EPHA6: variants seen among roughly 807,000 people sequenced by gnomAD.
EPHA6 encodes EPH receptor A6.
A neutral mutation model predicts 112.0 loss-of-function variants in EPHA6; 50 were observed. The observed-to-expected ratio is 0.45, with a 90% CI of 0.36 to 0.56. The LOEUF (loss-of-function observed/expected upper bound fraction) is 0.56. Among genes scored for constraint, EPHA6 ranks in the 20% least tolerant of loss-of-function variants. The probability of loss-of-function intolerance (pLI) is 0.00; values close to 1 mark genes in which losing one functional copy is unlikely to be tolerated. For synonymous variants in EPHA6, 529 were observed against 490.7 expected (o/e 1.08, Z -1.03); for missense variants, 1,280 against 1,417.4 (o/e 0.90, Z 1.56).
chr3:97,393,942 T>C (rs1207627455), intron 5 of EPHA6, among the ~76,000 whole-genome samples: 1 of 151,864 alleles, frequency 6.6e-6, no homozygotes, highest in African/African-American at 2.4e-5. Context: ...TCATTGTGTA[T>C]ATAGACCATA....
intron 3 of EPHA6, among the ~76,000 whole-genome samples, chr3:97,075,051 CT>C (rs200353772): frequency 2.0e-5 from 3 of 151,466 alleles, no homozygotes; most frequent in African/African-American, 7.3e-5. Context: ...TTTTCTGGTA[CT>C]TTTTTTTACC....
chr3:97,043,972 C>T (rs1479452893), intron 3 of EPHA6, among the ~76,000 whole-genome samples: 1 of 152,122 alleles, frequency 6.6e-6, no homozygotes, highest in African/African-American at 2.4e-5. Context: ...TAGCAGGGCA[C>T]TCATGGTTCT....
intron 3 of EPHA6, among the ~76,000 whole-genome samples, chr3:97,018,253 G>T (rs909710381): frequency 6.6e-6 from 1 of 151,808 alleles, no homozygotes; most frequent in African/African-American, 2.4e-5. Flanking sequence ...ACCGCTTTAT[G>T]TGTAGGGACC....
chr3:97,643,979 A>G (rs937977743), intron 14 of EPHA6, among the ~76,000 whole-genome samples: 5 of 151,396 alleles, frequency 3.3e-5, no homozygotes, highest in Non-Finnish European at 4.4e-5. Context: ...AATCAACAGA[A>G]TATACATTTT....
intron 2 of EPHA6, among the ~76,000 whole-genome samples, chr3:96,910,525 A>C (rs547200408): frequency 1.3e-5 from 2 of 152,230 alleles, no homozygotes; most frequent in Admixed American, 6.5e-5. Flanking sequence ...CAAGTGGCTA[A>C]GCCCAGCTTA....
At chr3:97,375,376 T>A (rs143754866) in intron 5 of EPHA6, among the ~76,000 whole-genome samples, 7 of 152,282 alleles carry the variant, frequency 4.6e-5, no homozygotes, top group African/African-American at 1.7e-4. Context: ...TGTTTTAAAC[T>A]CTGTAACTAA....
intron 3 of EPHA6, among the ~76,000 whole-genome samples, chr3:97,215,113 C>T (rs545845177): frequency 8.3e-4 from 126 of 152,104 alleles, no homozygotes; most frequent in Non-Finnish European, 1.1e-3. Flanking sequence ...ACACACAAGA[C>T]GCAATTCAAT....
At chr3:97,634,494 A>G (rs558239561) in intron 13 of EPHA6, among the ~76,000 whole-genome samples, 1 of 152,182 alleles carries the variant, frequency 6.6e-6, no homozygotes, top group South Asian at 2.1e-4. Flanking sequence ...TTCCCTGGGA[A>G]AGATTGTAAA....
At chr3:97,714,811 G>A (rs1242740953) in intron 14 of EPHA6, among the ~76,000 whole-genome samples, 14 of 152,256 alleles carry the variant, frequency 9.2e-5, no homozygotes. Flanking sequence ...GACCACCTCT[G>A]CCACACATAA....
intron 9 of EPHA6, among the ~76,000 whole-genome samples, chr3:97,483,250 C>A (rs1407802361): frequency 6.6e-6 from 1 of 152,196 alleles, no homozygotes; most frequent in Non-Finnish European, 1.5e-5. Flanking sequence ...AGGCTGTGAG[C>A]CCTCCATTCT....
intron 14 of EPHA6, among the ~76,000 whole-genome samples, chr3:97,691,914 A>G (rs2107710098): frequency 6.6e-6 from 1 of 152,302 alleles, no homozygotes; most frequent in Non-Finnish European, 1.5e-5. Flanking sequence ...AAAAGCAACC[A>G]TTCTCCTAAA....
At chr3:97,209,979 T>C (rs1358788389) in intron 3 of EPHA6, among the ~76,000 whole-genome samples, 1 of 152,206 alleles carries the variant, frequency 6.6e-6, no homozygotes, top group Non-Finnish European at 1.5e-5. Context: ...AAAAGTTGTG[T>C]AATACATTTT....
At chr3:97,490,246 T>C (rs917441827) in intron 10 of EPHA6, among the ~76,000 whole-genome samples, 7 of 152,166 alleles carry the variant, frequency 4.6e-5, no homozygotes, top group Non-Finnish European at 8.8e-5. Context: ...TTGCATAATA[T>C]GTGCAAATAA....
At chr3:96,820,200 G>T (rs538344478) in intron 1 of EPHA6, among the ~76,000 whole-genome samples, 18 of 152,160 alleles carry the variant, frequency 1.2e-4, no homozygotes, top group Admixed American at 1.2e-3. Context: ...AAAGATAGTC[G>T]GGAACCAGAG....
intron 6 of EPHA6, among the ~76,000 whole-genome samples, chr3:97,428,520 T>G (rs1193608574): frequency 6.6e-6 from 1 of 152,194 alleles, no homozygotes; most frequent in African/African-American, 2.4e-5. Flanking sequence ...TCAAATTGAT[T>G]TGGAAAATGT....
At chr3:96,907,771 C>T (rs2039011830) in intron 2 of EPHA6, among the ~76,000 whole-genome samples, 1 of 151,684 alleles carries the variant, frequency 6.6e-6, no homozygotes, top group Non-Finnish European at 1.5e-5. Context: ...TTACAACATA[C>T]CTTGAGTTAT....
At chr3:97,237,683 G>C (rs571536407) in intron 4 of EPHA6, among the ~76,000 whole-genome samples, 1 of 151,958 alleles carries the variant, frequency 6.6e-6, no homozygotes, top group South Asian at 2.1e-4. Flanking sequence ...TTATTAATTT[G>C]CTTGAATTTA....
intron 5 of EPHA6, among the ~76,000 whole-genome samples, chr3:97,278,688 G>T (rs1271829641): frequency 6.6e-6 from 1 of 152,190 alleles, no homozygotes; most frequent in Non-Finnish European, 1.5e-5. Context: ...AAGCACTAGA[G>T]GGTGCAGTGT....
chr3:97,398,573 T>C (rs2086816810), intron 5 of EPHA6, among the ~76,000 whole-genome samples: 1 of 151,462 alleles, frequency 6.6e-6, no homozygotes, highest in Non-Finnish European at 1.5e-5. Flanking sequence ...TATGTAATCA[T>C]ATTTTCATTT....
Sources: allele counts gnomAD v4.1 joint callset (sites outside exome capture counted in the v4.1 genomes callset), GRCh38; gene constraint gnomAD v4.1.1; transcripts MANE v1.5; gene names NCBI Gene and HGNC (gene_info 2026-07-23, HGNC 2026-07-21).